The following PRKG1 variants were observed in gnomAD, a reference collection of about 807,000 sequenced individuals.
The protein encoded by PRKG1 is cGMP-dependent protein kinase 1.
A neutral mutation model predicts 88.1 loss-of-function variants in PRKG1; 35 were observed. The observed-to-expected ratio is 0.40, with a 90% CI of 0.30 to 0.53. PRKG1 has a LOEUF of 0.53. Among genes scored for constraint, PRKG1 ranks in the 20% least tolerant of loss-of-function variants. The probability of loss-of-function intolerance (pLI) is 0.59; values close to 1 mark genes in which losing one functional copy is unlikely to be tolerated. For missense variants in PRKG1, 540 were observed against 839.8 expected, an observed-to-expected ratio of 0.64 and a Z score of 4.41; for synonymous variants, 303 against 292.5, an observed-to-expected ratio of 1.04 and a Z score of -0.37.
At chr10:51,838,968 A>G (rs1398717036) in intron 4 of PRKG1, among the ~76,000 whole-genome samples, 1 of 152,160 alleles carries the variant, frequency 6.6e-6, no homozygotes, top group African/African-American at 2.4e-5. Context: ...CATACATTTT[A>G]AGTTTAATAT....
intron 7 of PRKG1, among the ~76,000 whole-genome samples, chr10:52,094,432 CTTT>C (rs959078081): frequency 6.6e-6 from 1 of 151,970 alleles, no homozygotes; most frequent in African/African-American, 2.4e-5. Context: ...CTCTCTCTCT[CTTT>C]TATCTCTCAT....
chr10:51,713,254 T>C (rs1419902154), intron 3 of PRKG1, among the ~76,000 whole-genome samples: 2 of 152,222 alleles, frequency 1.3e-5, no homozygotes, highest in Admixed American at 6.5e-5. Flanking sequence ...AAATGCAGCA[T>C]AAAACTGACA....
At chr10:51,025,595 C>T (rs995325740) in intron 1 of PRKG1, among the ~76,000 whole-genome samples, 3 of 152,130 alleles carry the variant, frequency 2.0e-5, no homozygotes, top group Admixed American at 6.6e-5. Context: ...TGTCCCTTTC[C>T]CCTCAAAGTG....
chr10:51,637,845 A>G (rs1045124517), intron 3 of PRKG1, among the ~76,000 whole-genome samples: 1 of 152,162 alleles, frequency 6.6e-6, no homozygotes, highest in African/African-American at 2.4e-5. Context: ...TGATGGGATG[A>G]TCTGTGCAGC....
chr10:51,282,782 CA>C (rs35715275), intron 2 of PRKG1, among the ~76,000 whole-genome samples: 56,348 of 151,126 alleles, frequency 0.37, 11,818 homozygotes, highest in African/African-American at 0.57. Context: ...ACAAATTATA[CA>C]AAAAAAAACT....
At chr10:52,115,153 A>G (rs1847657315) in intron 7 of PRKG1, among the ~76,000 whole-genome samples, 1 of 152,066 alleles carries the variant, frequency 6.6e-6, no homozygotes, top group African/African-American at 2.4e-5. Flanking sequence ...TTTTCTAGCA[A>G]TTCACTTTAG....
intron 3 of PRKG1, among the ~76,000 whole-genome samples, chr10:51,766,772 G>A (rs1284315119): frequency 1.3e-5 from 2 of 152,122 alleles, no homozygotes; most frequent in South Asian, 4.1e-4. Context: ...ATTGAGGGTT[G>A]GGGCTTTAAC....
intron 3 of PRKG1, among the ~76,000 whole-genome samples, chr10:51,614,466 A>AT (rs761888940): frequency 1.3e-5 from 2 of 151,714 alleles, no homozygotes; most frequent in Non-Finnish European, 1.5e-5. Context: ...TTCAAGGATC[A>AT]TTTTTTTAAA....
intron 2 of PRKG1, 96 bp downstream of exon 2, chr10:51,153,426 T>G: frequency 1.7e-6 from 2 of 1,179,604 alleles, no homozygotes; most frequent in Non-Finnish European, 2.3e-6. Flanking sequence ...GAAAATTCCA[T>G]TTTTCCTTCT....
At chr10:51,313,562 C>T (rs373184398) in intron 2 of PRKG1, among the ~76,000 whole-genome samples, 4 of 152,102 alleles carry the variant, frequency 2.6e-5, no homozygotes, top group Non-Finnish European at 5.9e-5. Context: ...GTGTTCTCTT[C>T]CCTATAGGTT....
chr10:51,469,210 T>C (rs1839982985), intron 3 of PRKG1, among the ~76,000 whole-genome samples: 1 of 151,908 alleles, frequency 6.6e-6, no homozygotes, highest in Non-Finnish European at 1.5e-5. Flanking sequence ...TTTACAATCA[T>C]GCTTCATTTT....
intron 1 of PRKG1, among the ~76,000 whole-genome samples, chr10:51,122,506 G>T (rs531967517): frequency 2.0e-5 from 3 of 152,112 alleles, no homozygotes. Flanking sequence ...GGGTATATAC[G>T]TGTGATTAAG....
intron 5 of PRKG1, among the ~76,000 whole-genome samples, chr10:52,040,622 A>G (rs1845731578): frequency 6.6e-6 from 1 of 152,122 alleles, no homozygotes; most frequent in African/African-American, 2.4e-5. Flanking sequence ...TCTGAAAGGA[A>G]ATGGGAACAG....
chr10:51,774,489 A>G (rs1431634265), intron 3 of PRKG1, among the ~76,000 whole-genome samples: 1 of 152,150 alleles, frequency 6.6e-6, no homozygotes, highest in Non-Finnish European at 1.5e-5. Flanking sequence ...TATTCAATTT[A>G]AAATTCTCAG....
intron 2 of PRKG1, 139 bp from the exon 3 acceptor site, chr10:51,467,584 C>T (rs546737431): frequency 5.0e-5 from 28 of 563,294 alleles, no homozygotes; most frequent in African/African-American, 1.5e-4. Flanking sequence ...TTATTTCTTG[C>T]GCTGCCTCGT....
chr10:52,259,978 C>G (rs141608776), intron 10 of PRKG1, among the ~76,000 whole-genome samples: 70 of 151,986 alleles, frequency 4.6e-4, no homozygotes, highest in African/African-American at 1.6e-3. Context: ...TTATCTTTTT[C>G]TTTTTCTTTT....
intron 3 of PRKG1, among the ~76,000 whole-genome samples, chr10:51,481,583 T>C (rs1180138975): frequency 1.3e-5 from 2 of 152,164 alleles, no homozygotes; most frequent in African/African-American, 4.8e-5. Context: ...ATTATTTTAG[T>C]GTACATTAAT....
chr10:52,219,674 C>T (rs1403782942), intron 9 of PRKG1, among the ~76,000 whole-genome samples: 1 of 152,168 alleles, frequency 6.6e-6, no homozygotes. Context: ...AATTAGCTGA[C>T]AATCACTCAT....
At chr10:51,655,231 A>G (rs1840133826) in intron 3 of PRKG1, among the ~76,000 whole-genome samples, 2 of 152,266 alleles carry the variant, frequency 1.3e-5, no homozygotes, top group Admixed American at 1.3e-4. Context: ...TTCATGTTTC[A>G]TAGAAATCTG....
Sources: gnomAD v4.1 joint callset for allele counts (sites outside exome capture counted in the v4.1 genomes callset) on GRCh38, gnomAD v4.1.1 for gene constraint, MANE v1.5 for transcripts, NCBI Gene and HGNC (gene_info 2026-07-23, HGNC 2026-07-21) for gene names.